ZEB1: variants seen among roughly 807,000 people sequenced by gnomAD.
ZEB1 encodes the protein zinc finger E-box-binding homeobox 1.
ZEB1 carries 21 observed loss-of-function variants against 84.9 expected under a neutral mutation model. That is an observed-to-expected ratio of 0.25 (90% CI 0.18 to 0.36). The LOEUF (loss-of-function observed/expected upper bound fraction) is 0.36. ZEB1 is among the 10% of genes least tolerant of loss of function. ZEB1 has a pLI of 1.00. For missense variants in ZEB1, 1,104 were observed against 1,330.2 expected (o/e 0.83, Z 2.65); for synonymous variants, 420 against 471.1 (o/e 0.89, Z 1.41).
chr10:31,361,757 G>GT (rs1306900316), intron 1 of ZEB1, among the ~76,000 whole-genome samples: 1 of 151,520 alleles, frequency 6.6e-6, no homozygotes. Context: ...TTCCCAGACG[G>GT]TGAGGAGGCC....
chr10:31,373,953 C>T (rs1480308553), intron 1 of ZEB1, among the ~76,000 whole-genome samples: 2 of 151,428 alleles, frequency 1.3e-5, no homozygotes, highest in Non-Finnish European at 3.0e-5. Context: ...CCTGCATATC[C>T]CTTTTTTTGG....
chr10:31,504,623 A>G (rs922490282), intron 4 of ZEB1, among the ~76,000 whole-genome samples: 5 of 151,924 alleles, frequency 3.3e-5, no homozygotes, highest in African/African-American at 1.2e-4. Flanking sequence ...GTCTTCTTCA[A>G]TTTCTTTCAT....
At chr10:31,391,231 T>TTG (rs780805467) in intron 1 of ZEB1, among the ~76,000 whole-genome samples, 40,564 of 134,328 alleles carry the variant, frequency 0.3, 6,021 homozygotes, top group East Asian at 0.36. Context: ...ACAGGTAAGT[T>TTG]TGTGTGTGTG....
chr10:31,346,886 A>G (rs920385669), intron 1 of ZEB1, among the ~76,000 whole-genome samples: 26 of 152,154 alleles, frequency 1.7e-4, no homozygotes, highest in Non-Finnish European at 3.2e-4. Flanking sequence ...TGGGGTTAAG[A>G]TAAGACAAGA....
intron 2 of ZEB1, among the ~76,000 whole-genome samples, chr10:31,494,085 C>G (rs1384086305): frequency 6.6e-6 from 1 of 151,880 alleles, no homozygotes; most frequent in Non-Finnish European, 1.5e-5. Context: ...GAATAAGGAA[C>G]ATAGGTTTAC....
intron 1 of ZEB1, among the ~76,000 whole-genome samples, chr10:31,410,425 T>C (rs981221264): frequency 3.3e-5 from 5 of 152,192 alleles, no homozygotes; most frequent in African/African-American, 1.2e-4. Context: ...ATTGAGGATT[T>C]TTGCCCCAAT....
intron 1 of ZEB1, among the ~76,000 whole-genome samples, chr10:31,375,774 A>G (rs1227114726): frequency 6.6e-6 from 1 of 151,818 alleles, no homozygotes; most frequent in African/African-American, 2.4e-5. Context: ...AAAAATTTAA[A>G]TAAAAGTTAT....
chr10:31,321,583 G>A lies in ZEB1; in HGVS notation c.58+2291G>A, dbSNP rs576338175. 6.2e-6 allele frequency: 10 copies of A among 1,613,836 alleles called. No homozygotes were observed. The South Asian group carries it at 8.8e-5, about 14-fold the overall frequency. ...CGCTTTTTACCTTATTTAAAATGTT[G>A]ATCGCCAGAGAAAGGGGCTTTTCTT... On this transcript the variant is annotated intron_variant, in intron 1 of 8. Transcript: ENST00000424869.
At chr10:31,510,425 A>ACAGCC in intron 4 of ZEB1, among the ~76,000 whole-genome samples, 1 of 152,208 alleles carries the variant, frequency 6.6e-6, no homozygotes, top group Non-Finnish European at 1.5e-5. Flanking sequence ...TGAAGGTCAG[A>ACAGCC]CAGCCCGTAT....
chr10:31,376,062 A>G (rs1201486830), intron 1 of ZEB1, among the ~76,000 whole-genome samples: 1 of 151,832 alleles, frequency 6.6e-6, no homozygotes, highest in Non-Finnish European at 1.5e-5. Context: ...GCTACTATTT[A>G]TAGTGAGATC....
chr10:31,394,197 T>C (rs887251856), intron 1 of ZEB1, among the ~76,000 whole-genome samples: 6 of 152,170 alleles, frequency 3.9e-5, no homozygotes, highest in African/African-American at 1.4e-4. Flanking sequence ...AGGTGGTGTT[T>C]TGAGCTAAGG....
chr10:31,363,029 G>T (rs2043641362), intron 1 of ZEB1: 1 of 1,533,742 alleles, frequency 6.5e-7, no homozygotes, highest in South Asian at 1.2e-5. Flanking sequence ...CACCTCAGTT[G>T]CAGGGGAGGG....
intron 1 of ZEB1, among the ~76,000 whole-genome samples, chr10:31,428,538 GT>G (rs1275895196): frequency 2.0e-5 from 3 of 152,214 alleles, no homozygotes; most frequent in Non-Finnish European, 4.4e-5. Flanking sequence ...ACATTCTGTT[GT>G]TTTTGGGTGG....
rs191678287 is a variant in ZEB1, at chr10:31,450,335, T to A, written c.59-10702T>A. ...TCATTTGTGTTGCTAGTAATAGAAT[T>A]TTTTCCTCTTTCGTGTTTTTAGCTG... On this transcript the variant is annotated intron_variant, in intron 1 of 8. Transcript: ENST00000424869. Among the ~76,000 whole-genome samples, 16 of 152,264 alleles carry A rather than the reference T, an allele frequency of 1.1e-4. No individual in the cohort carries two copies. The East Asian group carries it at 2.5e-3, about 24-fold the overall frequency.
At chr10:31,366,399 C>T (rs2044496068) in intron 1 of ZEB1, among the ~76,000 whole-genome samples, 1 of 152,152 alleles carries the variant, frequency 6.6e-6, no homozygotes, top group Non-Finnish European at 1.5e-5. Context: ...AGTGATCCTC[C>T]CACCTCAGCC....
intron 1 of ZEB1, among the ~76,000 whole-genome samples, chr10:31,411,994 T>C (rs1465642284): frequency 6.6e-6 from 1 of 152,176 alleles, no homozygotes; most frequent in African/African-American, 2.4e-5. Context: ...TCAACCAGAA[T>C]TCATTATGTT....
At chr10:31,468,706 C>T (rs1406380501) in intron 2 of ZEB1, among the ~76,000 whole-genome samples, 1 of 152,124 alleles carries the variant, frequency 6.6e-6, no homozygotes, top group Non-Finnish European at 1.5e-5. Flanking sequence ...CCTAAAAGCA[C>T]GTAGAAGCAA....
intron 1 of ZEB1, among the ~76,000 whole-genome samples, chr10:31,366,842 G>A (rs889724785): frequency 6.6e-6 from 1 of 152,156 alleles, no homozygotes; most frequent in African/African-American, 2.4e-5. Context: ...CAAGACTCCA[G>A]TGATCCTTGG....
At chr10:31,480,556 C>G (rs2064909987) in intron 2 of ZEB1, among the ~76,000 whole-genome samples, 1 of 151,994 alleles carries the variant, frequency 6.6e-6, no homozygotes, top group Non-Finnish European at 1.5e-5. Context: ...CAGATGACCC[C>G]TGAGTGTTGT....
Sources: allele counts gnomAD v4.1 joint callset (sites outside exome capture counted in the v4.1 genomes callset), GRCh38; gene constraint gnomAD v4.1.1; transcripts MANE v1.5; gene names NCBI Gene and HGNC (gene_info 2026-07-23, HGNC 2026-07-21).